ATRN: variants seen among roughly 807,000 people sequenced by gnomAD.
The protein encoded by ATRN is attractin.
A neutral mutation model predicts 178.7 loss-of-function variants in ATRN; 54 were observed. The ratio of observed to expected loss-of-function variants is 0.30; its 90% confidence interval spans 0.24 to 0.38. The LOEUF is 0.38. Ranked by LOEUF, ATRN falls within the 10% of genes least tolerant of loss-of-function variation. The probability of loss-of-function intolerance (pLI) is 1.00; values close to 1 mark genes in which losing one functional copy is unlikely to be tolerated. For synonymous variants in ATRN, 636 were observed against 663.0 expected (o/e 0.96, Z 0.63); for missense variants, 1,443 against 1,815.1 (o/e 0.79, Z 3.73).
chr20:3,617,838 G>A (rs1175852009), intron 24 of ATRN, among the ~76,000 whole-genome samples: 10 of 152,208 alleles, frequency 6.6e-5, no homozygotes, highest in East Asian at 3.8e-4. Flanking sequence ...GAAGTACACA[G>A]CATTGTACGG....
chr20:3,623,318 G>A (rs935130106), intron 24 of ATRN, among the ~76,000 whole-genome samples: 13 of 152,224 alleles, frequency 8.5e-5, no homozygotes, highest in African/African-American at 2.4e-4. Flanking sequence ...GTATGAAATT[G>A]ATGTAACTTT....
chr20:3,506,709 C>A (rs1359101512), intron 1 of ATRN, among the ~76,000 whole-genome samples: 7 of 151,428 alleles, frequency 4.6e-5, no homozygotes, highest in Non-Finnish European at 1.0e-4. Flanking sequence ...AGTGGACACA[C>A]ACACACACAC....
intron 10 of ATRN, among the ~76,000 whole-genome samples, chr20:3,564,200 A>G (rs1293204584): frequency 2.0e-5 from 3 of 152,240 alleles, no homozygotes; most frequent in Non-Finnish European, 4.4e-5. Flanking sequence ...GCCTCAAAGT[A>G]GAAGAGGTAG....
rs6115950 is a variant in ATRN at position 3,584,661 on chromosome 20, G to C, written c.2965G>C (p.Gly989Arg). 3.7e-6 allele frequency: 6 copies of C among 1,610,960 alleles called. No individual in the cohort carries two copies. The highest frequency in any genetic ancestry group is 2.2e-5 in the South Asian group (2 of 90,474). ...MSTCPPENCS[G>R]YCTCSHCLEQ... ...TTTTTTAATAGCTGAAAATTGTTCAGGCTACTGTACCTGTAGTCATTGCTT... is the reference window on the plus strand; with the variant it reads ...TTTTTTAATAGCTGAAAATTGTTCACGCTACTGTACCTGTAGTCATTGCTT... Residue 989 changes from glycine to arginine, a missense_variant, in exon 18 of 29, where the codon GGC (glycine) becomes CGC (arginine). Around this residue, in one of 4 missense-constraint regions of ATRN, gnomAD observed 212 missense variants for 330.7 expected, o/e 0.64. Transcript: ENST00000262919.
At chr20:3,480,953 A>G (rs1436245939) in intron 1 of ATRN, among the ~76,000 whole-genome samples, 2 of 152,194 alleles carry the variant, frequency 1.3e-5, no homozygotes, top group Non-Finnish European at 2.9e-5. Flanking sequence ...CTATAGTTGT[A>G]CTTTTTGAAA....
At chr20:3,627,774 G>A (rs928674681) in intron 25 of ATRN, among the ~76,000 whole-genome samples, 1 of 152,214 alleles carries the variant, frequency 6.6e-6, no homozygotes, top group Non-Finnish European at 1.5e-5. Context: ...AACTGACACA[G>A]AAGAAGTAAG....
intron 2 of ATRN, among the ~76,000 whole-genome samples, chr20:3,539,485 G>A (rs1176468552): frequency 7.4e-6 from 1 of 135,298 alleles, no homozygotes; most frequent in African/African-American, 2.8e-5. Context: ...AAGAGAAACA[G>A]AAAGAGAATT....
intron 1 of ATRN, among the ~76,000 whole-genome samples, chr20:3,485,305 C>A (rs1468190836): frequency 6.6e-6 from 1 of 152,054 alleles, no homozygotes; most frequent in South Asian, 2.1e-4. Flanking sequence ...ACTGTATACA[C>A]CTTCTTTCTT....
At chr20:3,545,379 A>AC (rs1431893914) in intron 3 of ATRN, among the ~76,000 whole-genome samples, 20 of 151,878 alleles carry the variant, frequency 1.3e-4, no homozygotes, top group South Asian at 4.1e-4. Context: ...AAAAAAAAAA[A>AC]AACAACAAAA....
At chr20:3,604,064 C>G (rs374823054) in intron 23 of ATRN, 41 bp from the exon 24 acceptor site, 25 of 1,530,924 alleles carry the variant, frequency 1.6e-5, no homozygotes, top group Non-Finnish European at 8.7e-7. Flanking sequence ...CCCTAGCCCC[C>G]CAAAAAATGT....
intron 23 of ATRN, among the ~76,000 whole-genome samples, chr20:3,602,343 A>T (rs2086621542): frequency 6.6e-6 from 1 of 152,012 alleles, no homozygotes; most frequent in South Asian, 2.1e-4. Flanking sequence ...AAAAAAAAAT[A>T]AAAAAACACC....
intron 1 of ATRN, chr20:3,489,934 C>T (rs958717818): frequency 4.3e-6 from 5 of 1,161,996 alleles, no homozygotes; most frequent in Middle Eastern, 2.3e-4. Flanking sequence ...TCTTCACTCT[C>T]ACTCTTACTG....
intron 1 of ATRN, among the ~76,000 whole-genome samples, chr20:3,502,555 A>G (rs547217010): frequency 1.1e-4 from 16 of 152,268 alleles, no homozygotes; most frequent in Non-Finnish European, 2.1e-4. Context: ...AGTCCCCCCG[A>G]AAACATCTGC....
At chr20:3,584,936 A>G in intron 18 of ATRN, 56 bp downstream of exon 18, 1 of 1,520,318 alleles carries the variant, frequency 6.6e-7, no homozygotes, top group Non-Finnish European at 9.1e-7. Flanking sequence ...TATGAAGAAT[A>G]AAACCTTGAA....
chr20:3,602,959 A>G (rs1032031232), intron 23 of ATRN, among the ~76,000 whole-genome samples: 3 of 119,230 alleles, frequency 2.5e-5, no homozygotes, highest in Admixed American at 8.8e-5. Context: ...GCGAAATTCC[A>G]TCTCAAAAAA....
Position 3,472,985 on chromosome 20 carries a change from G to A in ATRN, c.410+1468G>A, listed in dbSNP as rs182754595. On this transcript the variant is annotated intron_variant, in intron 1 of 28. Coordinates refer to ENST00000262919, the MANE Select transcript of ATRN (RefSeq NM_139321.3). ...TGAGGAACTCAGAGAACGTTGAGCA[G>A]ATGAGCTCTTTAGTTTTATGGATGG... Among the ~76,000 whole-genome samples, 351 of 152,366 alleles carry A rather than the reference G, an allele frequency of 2.3e-3. 3 individuals carry two copies. Among genetic ancestry groups the A allele is most frequent in the Non-Finnish European group, 1.6e-3 (111 of 68,020 alleles).
chr20:3,501,386 C>G (rs532308362), intron 1 of ATRN, among the ~76,000 whole-genome samples: 1 of 152,302 alleles, frequency 6.6e-6, no homozygotes, highest in South Asian at 2.1e-4. Context: ...ATGCCAGACT[C>G]TGTTCTGTAA....
chr20:3,520,589 G>A (rs953449149), intron 1 of ATRN, among the ~76,000 whole-genome samples: 8 of 152,092 alleles, frequency 5.3e-5, no homozygotes, highest in Non-Finnish European at 8.8e-5. Context: ...CCGCCTCCTG[G>A]GTTCAAATGA....
At chr20:3,514,624 C>A (rs536888390) in intron 1 of ATRN, among the ~76,000 whole-genome samples, 1 of 152,006 alleles carries the variant, frequency 6.6e-6, no homozygotes, top group South Asian at 2.1e-4. Flanking sequence ...AAATAGAATT[C>A]AATACGTTAA....
Sources: gnomAD v4.1 joint callset for allele counts (sites outside exome capture counted in the v4.1 genomes callset) on GRCh38, gnomAD v4.1.1 for gene constraint, gnomAD v4.1.1 regional missense constraint, MANE v1.5 for transcripts, NCBI Gene and HGNC (gene_info 2026-07-23, HGNC 2026-07-21) for gene names.